Variants in STAT4 observed in about 807,000 individuals in gnomAD.
STAT4 encodes signal transducer and activator of transcription 4.
A neutral mutation model predicts 110.5 loss-of-function variants in STAT4; 42 were observed. That is an observed-to-expected ratio of 0.38 (90% CI 0.30 to 0.49). The LOEUF (loss-of-function observed/expected upper bound fraction) is 0.49, where lower values mean the gene tolerates loss of function less well. STAT4 is among the 20% of genes least tolerant of loss of function. STAT4 has a pLI of 0.95. For missense variants in STAT4, 632 were observed against 887.9 expected (o/e 0.71, Z 3.66); for synonymous variants, 284 against 302.2 (o/e 0.94, Z 0.63).
At chr2:191,036,945 G>A (rs191352631) in intron 16 of STAT4, among the ~76,000 whole-genome samples, 1 of 152,242 alleles carries the variant, frequency 6.6e-6, no homozygotes, top group Admixed American at 6.5e-5. Context: ...GACTGATGTG[G>A]TCTTTTCCTA....
chr2:191,057,591 T>C (rs1412605707), intron 13 of STAT4, among the ~76,000 whole-genome samples: 4 of 149,882 alleles, frequency 2.7e-5, no homozygotes, highest in Non-Finnish European at 4.4e-5. Context: ...CTTTTTTTTT[T>C]TTTTCTTTTT....
chr2:191,078,639 T>C (rs946937482), intron 3 of STAT4, among the ~76,000 whole-genome samples: 2 of 152,044 alleles, frequency 1.3e-5, no homozygotes, highest in Non-Finnish European at 2.9e-5. Context: ...AACCTCAAAA[T>C]AACAATAAAA....
At chr2:191,054,611 G>A in intron 13 of STAT4, 77 bp from the exon 14 acceptor site, 2 of 1,348,394 alleles carry the variant, frequency 1.5e-6, no homozygotes, top group Non-Finnish European at 2.1e-6. Flanking sequence ...ACCTGTTGCG[G>A]TCATTTTCTT....
At chr2:191,041,241 TAAA>T in intron 14 of STAT4, 93 bp from the exon 15 acceptor site, 3 of 530,916 alleles carry the variant, frequency 5.7e-6, no homozygotes, top group South Asian at 9.6e-5. Context: ...TATTTATTAA[TAAA>T]TTAATAAAGT....
chr2:191,118,172 C>G (rs1248902004), intron 3 of STAT4, among the ~76,000 whole-genome samples: 1 of 152,146 alleles, frequency 6.6e-6, no homozygotes, highest in Non-Finnish European at 1.5e-5. Context: ...TTATAAAAAG[C>G]CTTAATATTT....
Position 191,062,887 on chromosome 2 carries a change from C to T in STAT4, c.816G>A (p.Leu272=), listed in dbSNP as rs140221173. ...FTLLAESLFQ[L]RRQLEKLEEQ... ...CCTCTAGTTTCTCCAATTGCCTTCT[C>T]AGTTGGAAAAGACTTTCTGCCAATA... Residue 272 remains leucine (L), a synonymous_variant, in exon 9 of 24, where the codon CTG becomes CTA. Transcript: ENST00000392320. This position sits in a 1 kb window ranked among gnomAD's most constrained non-coding sequence, Gnocchi z 4.9. 1,009 of 1,613,820 alleles carry T rather than the reference C, an allele frequency of 6.3e-4. 3 individuals carry two copies. Among genetic ancestry groups the T allele is most frequent in the Middle Eastern group, 5.4e-3 (33 of 6,056 alleles).
rs35067237 is a variant in STAT4, at chr2:191,046,017, C to G, written c.1252-4869G>C. On this transcript the variant is annotated intron_variant, in intron 14 of 23. Transcript: ENST00000392320. The surrounding 1 kb of genome is among the most constrained non-coding windows in gnomAD (Gnocchi z 4.6). ...GGCACCAAGAAGGTGTATTTTTGAACAATAGAAAATCTCACTGCCCACTAG... is the reference window on the plus strand; with the variant it reads ...GGCACCAAGAAGGTGTATTTTTGAAGAATAGAAAATCTCACTGCCCACTAG... Among the ~76,000 whole-genome samples the G allele has an allele frequency of 0.067, 10,130 of 152,152 alleles. 465 individuals are homozygous for G. The highest frequency in any genetic ancestry group is 0.13 in the Middle Eastern group (37 of 294).
chr2:191,110,723 C>G lies in STAT4; in HGVS notation c.274-34398G>C, dbSNP rs1698400954. Reference sequence around the variant, plus strand: ...AGTTGATACAACTGAAGTACCGTATCACTGAGTTTCTAAAATTTATAGCAC... The same window carrying G: ...AGTTGATACAACTGAAGTACCGTATGACTGAGTTTCTAAAATTTATAGCAC... On this transcript the variant is annotated intron_variant, in intron 3 of 23. Coordinates refer to ENST00000392320, the MANE Select transcript of STAT4 (RefSeq NM_003151.4). The surrounding 1 kb of genome is among the most constrained non-coding windows in gnomAD (Gnocchi z 4.5). 6.6e-6 allele frequency among the ~76,000 whole-genome samples: 1 copy of G among 152,122 alleles called. No individual in the cohort carries two copies. Among genetic ancestry groups the G allele is most frequent in the African/African-American group, 2.4e-5 (1 of 41,420 alleles).
upstream of STAT4, chr2:191,151,396 C>T (rs566266647): frequency 3.0e-6 from 3 of 985,642 alleles, no homozygotes; most frequent in Non-Finnish European, 3.6e-6. This position sits in a 1 kb window ranked among gnomAD's most constrained non-coding sequence, Gnocchi z 4.7. Flanking sequence ...CCTGGTGAAC[C>T]ACCCCTGGGA....
At chr2:191,069,650 CT>C (rs36058085) in intron 6 of STAT4, 42 bp downstream of exon 6, 5 of 1,487,506 alleles carry the variant, frequency 3.4e-6, no homozygotes, top group East Asian at 2.3e-5. Context: ...CTCAAGATGC[CT>C]TTTTGTCTCT....
rs1695969396 is a variant in STAT4, at chr2:191,033,933, T to C, written c.1693A>G (p.Ile565Val). The change falls in exon 19 of 24, where the codon ATT becomes GTT. Residue 565 changes from isoleucine (I) to valine (V), a missense_variant. Physicochemically the swap from Ile to Val is conservative, Grantham distance 29. Around this residue, in one of 4 missense-constraint regions of STAT4, gnomAD observed 74 missense variants for 154.3 expected, o/e 0.48. Coordinates refer to ENST00000392320, the MANE Select transcript of STAT4 (RefSeq NM_003151.4). The surrounding 1 kb of genome is among the most constrained non-coding windows in gnomAD (Gnocchi z 6.9). ...TACCCATCAATCCAAAGGGGAAGAA[T>C]GTGTTTCTTAATTAGATCCAATATT... is the stretch of plus-strand genomic sequence containing the variant. ...EAILDLIKKH[I>V]LPLWIDGYVM... 6.2e-7 allele frequency: 1 copy of C among 1,611,118 alleles called. No homozygotes were observed. Among genetic ancestry groups the C allele is most frequent in the Admixed American group, 1.7e-5 (1 of 59,466 alleles).
intron 3 of STAT4, among the ~76,000 whole-genome samples, chr2:191,096,163 G>A (rs781488654): frequency 6.6e-6 from 1 of 152,132 alleles, no homozygotes; most frequent in Non-Finnish European, 1.5e-5. Context: ...GGACCAGAGG[G>A]ATTCATAGCC....
rs1696490595 is a variant in STAT4, at chr2:191,050,507, T to C, written c.1251+3983A>G. 6.6e-6 allele frequency among the ~76,000 whole-genome samples: 1 copy of C among 152,110 alleles called. No individual in the cohort carries two copies. The highest frequency in any genetic ancestry group is 2.4e-5 in the African/African-American group (1 of 41,414). On this transcript the variant is annotated intron_variant, in intron 14 of 23. Transcript: ENST00000392320. This position sits in a 1 kb window ranked among gnomAD's most constrained non-coding sequence, Gnocchi z 4.3. ...AAATTCATTTTTAAAAATCTAAAGC[T>C]CCTACCCTATGTTGCACTTCTGAGG...
Position 191,033,885 on chromosome 2 carries a change from T to C in STAT4, c.1715+26A>G, listed in dbSNP as rs369887823. Reference sequence around the variant, plus strand: ...AGAAAAAAAGAACATAATTAACTCATATGAAAAATATAGCCTATAACTTAC... The same window carrying C: ...AGAAAAAAAGAACATAATTAACTCACATGAAAAATATAGCCTATAACTTAC... On this transcript the variant is annotated intron_variant, in intron 19 of 23. Transcript: ENST00000392320. This position sits in a 1 kb window ranked among gnomAD's most constrained non-coding sequence, Gnocchi z 6.9. The C allele has an allele frequency of 4.6e-6, 7 of 1,526,960 alleles. No homozygotes were observed. The highest frequency in any genetic ancestry group is 6.2e-6 in the Non-Finnish European group (7 of 1,121,530). The allele number at this position is 1,526,960 out of a possible 1,614,324, so 94.6% of individuals were successfully genotyped here. A position where few individuals can be genotyped will look rare whatever the true frequency, so the allele number is the denominator to read the frequency against.
In STAT4 at chr2:191,039,488, C is replaced by T. The variant is rs1696129177; in HGVS notation, c.1336-191G>A. On this transcript the variant is annotated intron_variant, in intron 15 of 23. Transcript: ENST00000392320. This position sits in a 1 kb window ranked among gnomAD's most constrained non-coding sequence, Gnocchi z 4.7. ...CTTTCTGAGCATGCATAAGTAAGGG[C>T]ACAGAGAGGAAAGAGCAGGAATCCT... 6.6e-6 allele frequency among the ~76,000 whole-genome samples: 1 copy of T among 152,142 alleles called. No homozygotes were observed. Among genetic ancestry groups the T allele is most frequent in the Admixed American group, 6.5e-5 (1 of 15,270 alleles).
At chr2:191,124,284 G>T (rs779300731) in intron 3 of STAT4, among the ~76,000 whole-genome samples, 1 of 151,788 alleles carries the variant, frequency 6.6e-6, no homozygotes, top group Non-Finnish European at 1.5e-5. Flanking sequence ...GTGAAACCCC[G>T]TCTCTACTAA....
intron 3 of STAT4, among the ~76,000 whole-genome samples, chr2:191,141,102 G>A (rs553823432): frequency 1.0e-3 from 159 of 151,588 alleles, no homozygotes; most frequent in African/African-American, 3.4e-3. Context: ...GGGAGCGGGG[G>A]GTGAGGGATA....
At chr2:191,057,886 C>A in intron 13 of STAT4, 132 bp downstream of exon 13, 1 of 809,100 alleles carries the variant, frequency 1.2e-6, no homozygotes, top group Admixed American at 2.6e-5. Flanking sequence ...ACATGAGCCA[C>A]CGTGCCCGGC....
At chr2:191,081,423 T>C (rs767211396) in intron 3 of STAT4, among the ~76,000 whole-genome samples, 1 of 152,230 alleles carries the variant, frequency 6.6e-6, no homozygotes, top group Non-Finnish European at 1.5e-5. Context: ...TCACACTGTC[T>C]TCCACAACGG....
Sources: allele counts gnomAD v4.1 joint callset (sites outside exome capture counted in the v4.1 genomes callset), GRCh38; gene constraint gnomAD v4.1.1; regional missense constraint gnomAD v4.1.1; non-coding constraint Gnocchi (gnomAD v3.1); transcripts MANE v1.5; gene names NCBI Gene and HGNC (gene_info 2026-07-23, HGNC 2026-07-21).